Variants in ZNF471 observed in about 807,000 individuals in gnomAD.
ZNF471 encodes zinc finger protein 471, also known as EZFIT-related protein 1.
A neutral mutation model predicts 13.7 loss-of-function variants in ZNF471; 7 were observed. The observed-to-expected ratio is 0.51, with a 90% CI of 0.29 to 0.96. The LOEUF is 0.96. ZNF471 is among the 40% of genes least tolerant of loss of function. The pLI is 0.08. For missense variants in ZNF471, 663 were observed against 743.3 expected (o/e 0.89, Z 1.26); for synonymous variants, 218 against 235.6 (o/e 0.93, Z 0.68).
intron 4 of ZNF471, among the ~76,000 whole-genome samples, chr19:56,519,757 C>T (rs2043943615): frequency 6.6e-6 from 1 of 152,220 alleles, no homozygotes; most frequent in African/African-American, 2.4e-5. Context: ...TTGTTACCCA[C>T]AGTCCACCAC....
chr19:56,516,287 T>A lies in ZNF471; in HGVS notation c.46T>A (p.Phe16Ile), dbSNP rs765811917. 1 of 1,613,504 alleles carries A rather than the reference T, an allele frequency of 6.2e-7. No individual in the cohort carries two copies. Among genetic ancestry groups the A allele is most frequent in the African/African-American group, 1.3e-5 (1 of 74,906 alleles). ...TTTGTCACTTCAGGACTTAGTGACA[T>A]TCAAGGATGTGGCAATAGATTTTTC... ...VKVMPQDLVT[F>I]KDVAIDFSQE... The change falls in exon 3 of 5, where the codon TTC becomes ATC. Residue 16 changes from phenylalanine to isoleucine, a missense_variant. Physicochemically the swap from Phe to Ile is conservative, Grantham distance 21 (BLOSUM62 0). Coordinates refer to ENST00000308031, the MANE Select transcript of ZNF471 (RefSeq NM_020813.4). The surrounding 1 kb of genome is among the most constrained non-coding windows in gnomAD (Gnocchi z 4.4).
rs2043753276 is a variant in ZNF471, at chr19:56,507,897, T to C, written c.-79T>C. On this transcript the variant is annotated 5_prime_UTR_variant, in exon 1 of 5. Transcript: ENST00000308031. ...TCACGGAGTCCTTCGGATGAGAGCG[T>C]CTGGGTGCCAGACGAGGCCGGGGGT... 1.0e-6 allele frequency: 1 copy of C among 985,412 alleles called. No homozygotes were observed. Among genetic ancestry groups the C allele is most frequent in the Admixed American group, 6.1e-5 (1 of 16,266 alleles). The allele number at this position is 985,412 out of a possible 1,614,324, so 61.0% of individuals were successfully genotyped here.
chr19:56,525,919 CAAA>C lies in ZNF471; in HGVS notation c.1853_1855del (p.Gln618del), dbSNP rs763142599. 5.1e-6 allele frequency: 8 copies of C among 1,571,722 alleles called. No homozygotes were observed. The African/African-American group carries it at 9.6e-5, about 19-fold the overall frequency. On this transcript the variant is annotated inframe_deletion, in exon 5 of 5. Transcript: ENST00000308031. Reference sequence around the variant, plus strand: ...AAGAAAGTTATCCTTAATTTGTCATCAAAGAAGTCATACTGGAGAAGAACCTTA... The same window carrying C: ...AAGAAAGTTATCCTTAATTTGTCATCGAAGTCATACTGGAGAAGAACCTTA...
intron 2 of ZNF471, among the ~76,000 whole-genome samples, chr19:56,513,726 T>G (rs2043840389): frequency 6.6e-6 from 1 of 152,190 alleles, no homozygotes; most frequent in Non-Finnish European, 1.5e-5. Context: ...TATTTTGTGA[T>G]GTTTTGAAAA....
chr19:56,513,081 A>C (rs62123024), intron 2 of ZNF471, among the ~76,000 whole-genome samples: 3,033 of 152,286 alleles, frequency 0.02, 64 homozygotes, highest in Non-Finnish European at 0.033. Flanking sequence ...CTGAAGTCAC[A>C]AGCACCATAC....
rs1298166515 is a variant in ZNF471, at chr19:56,507,877, G to A, written c.-99G>A. 7.1e-6 allele frequency: 7 copies of A among 985,462 alleles called. No individual in the cohort carries two copies. The highest frequency in any genetic ancestry group is 8.4e-6 in the Non-Finnish European group (7 of 830,070). 61.0% of individuals were successfully genotyped at this position (985,462 alleles called of 1,614,324 possible). On this transcript the variant is annotated 5_prime_UTR_variant, in exon 1 of 5. Transcript: ENST00000308031. The stretch of plus-strand genomic sequence containing the variant: ...TGGGGGGTTCCAGCGTCGACTCACG[G>A]AGTCCTTCGGATGAGAGCGTCTGGG...
rs1422305978 is a variant in ZNF471 at position 56,507,917 on chromosome 19, G to A, written c.-59G>A. 8 of 985,512 alleles carry A rather than the reference G, an allele frequency of 8.1e-6. No individual in the cohort carries two copies. The Admixed American group carries it at 1.8e-4, about 23-fold the overall frequency. 61.0% of individuals were successfully genotyped at this position (985,512 alleles called of 1,614,324 possible). The stretch of plus-strand genomic sequence containing the variant: ...GAGCGTCTGGGTGCCAGACGAGGCC[G>A]GGGGTTTGTTTTGGGTGGTTTGGGA... On this transcript the variant is annotated 5_prime_UTR_variant, in exon 1 of 5. Coordinates refer to ENST00000308031, the MANE Select transcript of ZNF471 (RefSeq NM_020813.4).
Position 56,525,399 on chromosome 19 carries a change from A to C in ZNF471, c.1332A>C (p.Ala444=). ...DICGKDFSHH[A]SLTQHQRVHS... ...GTGGGAAAGATTTTAGCCATCATGC[A>C]TCACTCACTCAGCATCAAAGAGTAC... is the stretch of plus-strand genomic sequence containing the variant. The change falls in exon 5 of 5, where the codon GCA becomes GCC. Residue 444 remains alanine, a synonymous_variant. Coordinates refer to ENST00000308031, the MANE Select transcript of ZNF471 (RefSeq NM_020813.4). 2 of 1,614,136 alleles carry C rather than the reference A, an allele frequency of 1.2e-6. No homozygotes were observed. The highest frequency in any genetic ancestry group is 2.2e-5 in the South Asian group (2 of 91,078).
chr19:56,517,479 AT>A (rs1001482761), intron 3 of ZNF471, among the ~76,000 whole-genome samples: 1 of 151,178 alleles, frequency 6.6e-6, no homozygotes, highest in African/African-American at 2.4e-5. Flanking sequence ...ATTTTTTTGT[AT>A]TTTTTTAGTA....
At chr19:56,509,049 C>G (rs1415547169) in intron 1 of ZNF471, among the ~76,000 whole-genome samples, 1 of 152,148 alleles carries the variant, frequency 6.6e-6, no homozygotes, top group Non-Finnish European at 1.5e-5. Context: ...TCCTTGGAAT[C>G]TCCAAAGTAT....
chr19:56,526,728 A>G lies in ZNF471; in HGVS notation c.*780A>G, dbSNP rs2044053506. The G allele has an allele frequency of 6.6e-6, 1 of 152,252 alleles. No homozygotes were observed. The highest frequency in any genetic ancestry group is 2.1e-4 in the South Asian group (1 of 4,832). The allele number at this position is 152,252 out of a possible 1,614,324, so 9.4% of individuals were successfully genotyped here. A position where few individuals can be genotyped will look rare whatever the true frequency, so the allele number is the denominator to read the frequency against. On this transcript the variant is annotated 3_prime_UTR_variant, in exon 5 of 5. Transcript: ENST00000308031. The stretch of plus-strand genomic sequence containing the variant: ...TGGTTTTCCCCTCACAGCGTAAACA[A>G]AGCCATGGGGAAGTTCCAGCTGAGC...
rs546487839 is a variant in ZNF471 at position 56,514,808 on chromosome 19, C to T, written c.34-1467C>T. The stretch of plus-strand genomic sequence containing the variant: ...TTTGTAAGGAAGTCACTATGCACAA[C>T]CTACACTCCAGAAGTGGGAAATTAT... On this transcript the variant is annotated intron_variant, in intron 2 of 4. Coordinates refer to ENST00000308031, the MANE Select transcript of ZNF471 (RefSeq NM_020813.4). 3.9e-5 allele frequency among the ~76,000 whole-genome samples: 6 copies of T among 152,274 alleles called. No homozygotes were observed. In the South Asian group the frequency reaches 1.2e-3, roughly 32 times the overall value.
chr19:56,511,487 C>T (rs1005949712), intron 1 of ZNF471, 30 bp from the exon 2 acceptor site: 1 of 1,545,908 alleles, frequency 6.5e-7, no homozygotes, highest in African/African-American at 1.4e-5. Flanking sequence ...TCTCTGGCCT[C>T]ATCTCTCTCT....
chr19:56,521,709 G>T (rs1433292334), intron 4 of ZNF471, among the ~76,000 whole-genome samples: 2 of 149,066 alleles, frequency 1.3e-5, no homozygotes, highest in Non-Finnish European at 3.0e-5. Flanking sequence ...GCAGCACTTT[G>T]AGAGGCTGAG....
Position 56,510,664 on chromosome 19 carries a change from C to T in ZNF471, c.-55-853C>T. The T allele has an allele frequency of 1.0e-6, 1 of 985,588 alleles. No homozygotes were observed. The highest frequency in any genetic ancestry group is 1.2e-6 in the Non-Finnish European group (1 of 830,012). 61.1% of individuals were successfully genotyped at this position (985,588 alleles called of 1,614,324 possible). ...AACCTGTGTTAGTGTTTGTATGTCA[C>T]CCTGTATACCCATAATTGTGGCCCT... On this transcript the variant is annotated intron_variant, in intron 1 of 4. Transcript: ENST00000308031. The surrounding 1 kb of genome is among the most constrained non-coding windows in gnomAD (Gnocchi z 4.3).
chr19:56,509,355 A>T (rs1019162651), intron 1 of ZNF471, among the ~76,000 whole-genome samples: 1 of 152,230 alleles, frequency 6.6e-6, no homozygotes, highest in Non-Finnish European at 1.5e-5. Flanking sequence ...CCCTTCCTAT[A>T]TAACCTTGTC....
chr19:56,514,720 T>C (rs2147910078), intron 2 of ZNF471, among the ~76,000 whole-genome samples: 1 of 152,288 alleles, frequency 6.6e-6, no homozygotes, highest in Admixed American at 6.5e-5. Context: ...TTTGAGGTAG[T>C]GTTTGTCAGG....
intron 2 of ZNF471, among the ~76,000 whole-genome samples, chr19:56,512,975 C>CT (rs1490786201): frequency 6.6e-6 from 1 of 152,088 alleles, no homozygotes; most frequent in African/African-American, 2.4e-5. Context: ...CTGTGTCTTC[C>CT]TCAGCATTAA....
At position 56,525,607 on chromosome 19, in the gene ZNF471, C is replaced by T. The variant is rs2044035979; in HGVS notation, c.1540C>T (p.Pro514Ser). 1.2e-6 allele frequency: 2 copies of T among 1,614,060 alleles called. No homozygotes were observed. Among genetic ancestry groups the T allele is most frequent in the Non-Finnish European group, 1.7e-6 (2 of 1,180,018 alleles). The change falls in exon 5 of 5, where the codon CCT becomes TCT. Residue 514 changes from proline to serine, a missense_variant. Pro to Ser is a moderately conservative substitution (Grantham distance 74, BLOSUM62 -1). Coordinates refer to ENST00000308031, the MANE Select transcript of ZNF471 (RefSeq NM_020813.4). The stretch of plus-strand genomic sequence containing the variant: ...TCAGAGAATTCATACTGGAGAGAAG[C>T]CTTATGAATGTATTGAATGTGGAAA... ...THQRIHTGEK[P>S]YECIECGNAF... is the part of the protein sequence containing the mutation.
Sources: allele counts gnomAD v4.1 joint callset (sites outside exome capture counted in the v4.1 genomes callset), GRCh38; gene constraint gnomAD v4.1.1; non-coding constraint Gnocchi (gnomAD v3.1); transcripts MANE v1.5; gene names NCBI Gene and HGNC (gene_info 2026-07-23, HGNC 2026-07-21).